Variants in CAMSAP2 observed in about 807,000 individuals in gnomAD.
CAMSAP2 encodes the protein calmodulin-regulated spectrin-associated protein 2.
CAMSAP2 carries 26 observed loss-of-function variants against 146.1 expected under a neutral mutation model. That is an observed-to-expected ratio of 0.18 (90% CI 0.13 to 0.25). The LOEUF is 0.25. CAMSAP2 is among the 10% of genes least tolerant of loss of function. CAMSAP2 has a pLI of 1.00. For synonymous variants in CAMSAP2, 499 were observed against 596.6 expected, an observed-to-expected ratio of 0.84 and a Z score of 2.38; for missense variants, 1,381 against 1,759.3, an observed-to-expected ratio of 0.78 and a Z score of 3.85.
At position 200,857,740 on chromosome 1, in the gene CAMSAP2, TTTTTA is replaced by T; in HGVS notation, c.4132-8_4132-4del. 1 of 1,562,220 alleles carries T rather than the reference TTTTTA, an allele frequency of 6.4e-7. No homozygotes were observed. Among genetic ancestry groups the T allele is most frequent in the East Asian group, 2.3e-5 (1 of 44,312 alleles). ...ATTCGTGTTGTTATGTTGTTTTTGTTTTTTATTTTAAAGGAAATGGAGAAATCAGA... is the reference window on the plus strand; with the variant it reads ...ATTCGTGTTGTTATGTTGTTTTTGTTTTTTAAAGGAAATGGAGAAATCAGA... On this transcript the variant is annotated splice_polypyrimidine_tract_variant and intron_variant, in intron 16 of 16. Coordinates refer to ENST00000358823, the MANE Select transcript of CAMSAP2 (RefSeq NM_203459.4). This position sits in a 1 kb window ranked among gnomAD's most constrained non-coding sequence, Gnocchi z 4.7.
intron 1 of CAMSAP2, among the ~76,000 whole-genome samples, chr1:200,754,509 G>A (rs1245238443): frequency 6.7e-6 from 1 of 149,922 alleles, no homozygotes; most frequent in Non-Finnish European, 1.5e-5. Flanking sequence ...ACCGATTATT[G>A]CTGTTGATTA....
At chr1:200,769,080 A>G (rs1431461763) in intron 2 of CAMSAP2, among the ~76,000 whole-genome samples, 3 of 152,192 alleles carry the variant, frequency 2.0e-5, no homozygotes, top group Non-Finnish European at 2.9e-5. Context: ...TAATTAATTA[A>G]TTAGTAGTTA....
At chr1:200,773,948 AAAAT>A (rs1209645446) in intron 2 of CAMSAP2, among the ~76,000 whole-genome samples, 2 of 148,508 alleles carry the variant, frequency 1.3e-5, no homozygotes, top group African/African-American at 4.9e-5. Context: ...AAAATAAAAT[AAAAT>A]AAATTATTGG....
chr1:200,752,407 G>A (rs1420915962), intron 1 of CAMSAP2, among the ~76,000 whole-genome samples: 1 of 151,860 alleles, frequency 6.6e-6, no homozygotes, highest in African/African-American at 2.4e-5. Context: ...GCTACAATAA[G>A]CAGCACTACA....
At chr1:200,780,324 G>A (rs559235116) in intron 2 of CAMSAP2, among the ~76,000 whole-genome samples, 67 of 152,288 alleles carry the variant, frequency 4.4e-4, no homozygotes, top group Non-Finnish European at 6.8e-4. Context: ...GGTGTTGTCA[G>A]CTGATACAGT....
chr1:200,766,142 C>CCT (rs1558167089), intron 2 of CAMSAP2, among the ~76,000 whole-genome samples: 3 of 140,824 alleles, frequency 2.1e-5, no homozygotes, highest in Non-Finnish European at 1.6e-5. Context: ...TCAAGTAGCT[C>CCT]TTTTTTTTTT....
At chr1:200,845,257 T>G (rs1667429782) in intron 8 of CAMSAP2, among the ~76,000 whole-genome samples, 1 of 11,466 alleles carries the variant, frequency 8.7e-5, no homozygotes, top group African/African-American at 2.8e-4. Context: ...TTTTTCCTGC[T>G]TTTTTTTTTT....
chr1:200,836,704 A>G (rs941349475), intron 6 of CAMSAP2, among the ~76,000 whole-genome samples: 2 of 152,164 alleles, frequency 1.3e-5, no homozygotes, highest in Non-Finnish European at 2.9e-5. Flanking sequence ...TTACACTCCT[A>G]CCAACAGTGT....
At chr1:200,764,305 A>C (rs932227595) in intron 2 of CAMSAP2, among the ~76,000 whole-genome samples, 1 of 152,064 alleles carries the variant, frequency 6.6e-6, no homozygotes, top group East Asian at 1.9e-4. Flanking sequence ...TATCATCCTA[A>C]TTTTTCAAGA....
At chr1:200,845,493 G>A (rs1418084095) in intron 8 of CAMSAP2, among the ~76,000 whole-genome samples, 1 of 152,170 alleles carries the variant, frequency 6.6e-6, no homozygotes, top group African/African-American at 2.4e-5. Flanking sequence ...CTGTATCATT[G>A]TGTGTAGAGG....
chr1:200,835,174 GT>G (rs1667153790), intron 6 of CAMSAP2, among the ~76,000 whole-genome samples: 1 of 152,066 alleles, frequency 6.6e-6, no homozygotes, highest in Non-Finnish European at 1.5e-5. Context: ...GCTACTCTAG[GT>G]TACCAAGTGT....
intron 4 of CAMSAP2, 43 bp downstream of exon 4, chr1:200,815,687 T>C: frequency 1.0e-6 from 1 of 969,628 alleles, no homozygotes; most frequent in Non-Finnish European, 1.5e-6. Context: ...TGAGACTGTA[T>C]ATATGTTCAC....
chr1:200,757,470 C>T (rs1664682740), intron 1 of CAMSAP2, among the ~76,000 whole-genome samples: 1 of 152,142 alleles, frequency 6.6e-6, no homozygotes, highest in Admixed American at 6.5e-5. Context: ...GCAATTCTAG[C>T]AGTGGTATTT....
intron 1 of CAMSAP2, among the ~76,000 whole-genome samples, chr1:200,746,658 G>A (rs1056693764): frequency 3.4e-5 from 5 of 147,018 alleles, no homozygotes; most frequent in Non-Finnish European, 3.0e-5. Context: ...TTGCCCTGTC[G>A]CCCAGGCTGG....
intron 15 of CAMSAP2, among the ~76,000 whole-genome samples, chr1:200,856,489 G>T (rs946218783): frequency 4.6e-5 from 7 of 152,128 alleles, no homozygotes; most frequent in Admixed American, 4.6e-4. Flanking sequence ...AGTATTAAGA[G>T]GCTCTAAAAG....
chr1:200,815,016 A>G (rs570734125), intron 3 of CAMSAP2, among the ~76,000 whole-genome samples: 11 of 151,934 alleles, frequency 7.2e-5, no homozygotes, highest in African/African-American at 2.7e-4. Context: ...TAATCTGATG[A>G]GAAAGAAATT....
Sources: allele counts gnomAD v4.1 joint callset (sites outside exome capture counted in the v4.1 genomes callset), GRCh38; gene constraint gnomAD v4.1.1; non-coding constraint Gnocchi (gnomAD v3.1); transcripts MANE v1.5; gene names NCBI Gene and HGNC (gene_info 2026-07-23, HGNC 2026-07-21).